The following MAGI1 variants were observed in gnomAD, a reference collection of about 807,000 sequenced individuals.
MAGI1 encodes membrane-associated guanylate kinase, WW and PDZ domain-containing protein 1.
In MAGI1, 58 loss-of-function variants were observed where a neutral mutation model predicts 139.9. The observed-to-expected ratio is 0.41, with a 90% CI of 0.34 to 0.52. The LOEUF (loss-of-function observed/expected upper bound fraction) is 0.52, where lower values mean the gene tolerates loss of function less well. MAGI1 is among the 20% of genes least tolerant of loss of function. MAGI1 has a pLI of 0.12. For synonymous variants in MAGI1, 812 were observed against 737.9 expected, an observed-to-expected ratio of 1.10 and a Z score of -1.63; for missense variants, 1,874 against 1,901.6, an observed-to-expected ratio of 0.99 and a Z score of 0.27.
intron 1 of MAGI1, among the ~76,000 whole-genome samples, chr3:65,838,801 T>C (rs2058712820): frequency 6.6e-6 from 1 of 152,222 alleles, no homozygotes; most frequent in Admixed American, 6.5e-5. Flanking sequence ...GAAATGGACA[T>C]ATCATTTTCC....
intron 2 of MAGI1, chr3:65,620,137 A>T: frequency 4.6e-6 from 1 of 215,680 alleles, no homozygotes; most frequent in Non-Finnish European, 7.9e-6. Context: ...GCATCAAGAA[A>T]TGGTGTGCTC....
chr3:65,915,973 TA>T lies in MAGI1; in HGVS notation c.313+122022del, dbSNP rs374427746. The stretch of plus-strand genomic sequence containing the variant: ...CATATACATTTATATGATACATATA[TA>T]AAATGTGAATATATATAATATGTAT... On this transcript the variant is annotated intron_variant, in intron 1 of 22. Transcript: ENST00000402939. Among the ~76,000 whole-genome samples, 32 of 149,390 alleles carry T rather than the reference TA, an allele frequency of 2.1e-4. No individual in the cohort carries two copies. In the South Asian group the frequency reaches 3.1e-3, roughly 15 times the overall value.
Position 65,482,293 on chromosome 3 carries a change from T to A in MAGI1, c.551-3495A>T, listed in dbSNP as rs149373739. Reference sequence around the variant, plus strand: ...AATGAGACGGTCTGCCTTTAACCTATGCTGAAGTCTGCCACTATGGTGAGG... The same window carrying A: ...AATGAGACGGTCTGCCTTTAACCTAAGCTGAAGTCTGCCACTATGGTGAGG... On this transcript the variant is annotated intron_variant, in intron 3 of 22. Coordinates refer to ENST00000402939, the MANE Select transcript of MAGI1 (RefSeq NM_001033057.2). Among the ~76,000 whole-genome samples the A allele has an allele frequency of 2.6e-5, 4 of 152,366 alleles. No individual in the cohort carries two copies. The East Asian group carries it at 5.8e-4, about 22-fold the overall frequency.
chr3:65,677,638 ACT>A (rs1484675270), intron 1 of MAGI1, among the ~76,000 whole-genome samples: 3 of 152,124 alleles, frequency 2.0e-5, no homozygotes, highest in Non-Finnish European at 4.4e-5. Flanking sequence ...GTGTTCCTTC[ACT>A]CTCCACACCT....
At chr3:65,838,973 T>C (rs534365355) in intron 1 of MAGI1, among the ~76,000 whole-genome samples, 1 of 152,380 alleles carries the variant, frequency 6.6e-6, no homozygotes, top group South Asian at 2.1e-4. Flanking sequence ...TAATGGTTAG[T>C]AATGTTGAAC....
intron 1 of MAGI1, among the ~76,000 whole-genome samples, chr3:65,866,047 A>G (rs150456284): frequency 9.2e-5 from 14 of 152,174 alleles, no homozygotes; most frequent in African/African-American, 3.4e-4. Flanking sequence ...CACTGTTTTG[A>G]TTCAATTTTT....
At chr3:65,510,983 G>A (rs2077557894) in intron 2 of MAGI1, among the ~76,000 whole-genome samples, 1 of 147,414 alleles carries the variant, frequency 6.8e-6, no homozygotes, top group East Asian at 2.1e-4. Context: ...AGCCAGAAGA[G>A]AGTGGGGGCC....
At chr3:65,430,663 A>G (rs373797362) in intron 11 of MAGI1, 36 bp downstream of exon 11, 2 of 1,597,106 alleles carry the variant, frequency 1.3e-6, no homozygotes, top group Admixed American at 1.7e-5. Context: ...TTGGAGTCTC[A>G]CCACACAGAA....
At chr3:65,978,398 C>G (rs541067610) in intron 1 of MAGI1, among the ~76,000 whole-genome samples, 68 of 152,250 alleles carry the variant, frequency 4.5e-4, no homozygotes, top group African/African-American at 1.6e-3. Flanking sequence ...CCTGCTCTGT[C>G]TTGCTCACTG....
intron 2 of MAGI1, among the ~76,000 whole-genome samples, chr3:65,531,222 A>G (rs182175068): frequency 2.3e-3 from 350 of 152,184 alleles, no homozygotes; most frequent in Admixed American, 4.2e-3. Context: ...CTTTATATCA[A>G]TATACTAATG....
intron 1 of MAGI1, among the ~76,000 whole-genome samples, chr3:65,758,804 G>A (rs1255070881): frequency 6.6e-6 from 1 of 151,924 alleles, no homozygotes; most frequent in Non-Finnish European, 1.5e-5. Context: ...ATTCAATGAG[G>A]GCAGTGTTTC....
chr3:65,522,333 T>C (rs1267414048), intron 2 of MAGI1, among the ~76,000 whole-genome samples: 1 of 152,240 alleles, frequency 6.6e-6, no homozygotes, highest in Non-Finnish European at 1.5e-5. Flanking sequence ...ACTAGTGTTC[T>C]ATAAGCACAA....
chr3:65,470,174 G>A (rs74440984), intron 5 of MAGI1, 109 bp downstream of exon 5: 6 of 688,458 alleles, frequency 8.7e-6, no homozygotes, highest in Middle Eastern at 4.0e-4. Context: ...AATACCATCA[G>A]TGGGTGATCA....
intron 2 of MAGI1, among the ~76,000 whole-genome samples, chr3:65,613,157 T>A (rs7615029): frequency 0.76 from 115,763 of 152,050 alleles, 44,906 homozygotes; most frequent in African/African-American, 0.85. Flanking sequence ...CATCATTATT[T>A]AACTGTGCCT....
At chr3:65,402,803 C>T (rs528622647) in intron 12 of MAGI1, among the ~76,000 whole-genome samples, 8 of 152,198 alleles carry the variant, frequency 5.3e-5, no homozygotes, top group Admixed American at 1.3e-4. Context: ...GAGGATTACT[C>T]GTCGTGGGAG....
intron 1 of MAGI1, among the ~76,000 whole-genome samples, chr3:65,954,086 T>G (rs1046543882): frequency 1.3e-5 from 2 of 152,024 alleles, no homozygotes; most frequent in African/African-American, 4.8e-5. Flanking sequence ...CCCCCCATAC[T>G]CCGGCACTCA....
intron 3 of MAGI1, among the ~76,000 whole-genome samples, chr3:65,480,180 A>C (rs1951178438): frequency 6.8e-6 from 1 of 147,150 alleles, no homozygotes; most frequent in South Asian, 2.2e-4. Flanking sequence ...AAAAAACACA[A>C]AAAACCACAA....
intron 1 of MAGI1, among the ~76,000 whole-genome samples, chr3:65,757,786 T>C (rs1438827792): frequency 1.3e-5 from 2 of 152,190 alleles, no homozygotes; most frequent in East Asian, 3.8e-4. Context: ...AATCCTAAAA[T>C]AAATTATTTG....
At chr3:65,587,635 C>T (rs896833274) in intron 2 of MAGI1, among the ~76,000 whole-genome samples, 10 of 151,886 alleles carry the variant, frequency 6.6e-5, no homozygotes, top group Non-Finnish European at 1.5e-4. Context: ...CACATGCCAC[C>T]ATGCCCAGCT....
Sources: allele counts gnomAD v4.1 joint callset (sites outside exome capture counted in the v4.1 genomes callset), GRCh38; gene constraint gnomAD v4.1.1; transcripts MANE v1.5; gene names NCBI Gene and HGNC (gene_info 2026-07-23, HGNC 2026-07-21).